PDK1: variants seen among roughly 807,000 people sequenced by gnomAD.
PDK1 encodes the protein [Pyruvate dehydrogenase (acetyl-transferring)] kinase isozyme 1, mitochondrial.
A neutral mutation model predicts 54.2 loss-of-function variants in PDK1; 39 were observed. That is an observed-to-expected ratio of 0.72 (90% CI 0.56 to 0.94). The LOEUF is 0.94. Ranked by LOEUF, PDK1 falls within the 40% of genes least tolerant of loss-of-function variation. The probability of loss-of-function intolerance (pLI) is 0.00; values close to 1 mark genes in which losing one functional copy is unlikely to be tolerated. For missense variants in PDK1, 552 were observed against 566.0 expected (o/e 0.98, Z 0.25); for synonymous variants, 221 against 207.1 (o/e 1.07, Z -0.58).
chr2:172,692,160 A>G, the PDK1 span, among the ~76,000 whole-genome samples: 2 of 152,212 alleles, frequency 1.3e-5, no homozygotes, highest in Admixed American at 6.5e-5. Flanking sequence ...TCCAGGGATA[A>G]GTACACAGAT....
chr2:172,647,651 TAATA>T, the PDK1 span, among the ~76,000 whole-genome samples: 2 of 152,148 alleles, frequency 1.3e-5, no homozygotes, highest in South Asian at 4.1e-4. Flanking sequence ...GAATTCCAAT[TAATA>T]AATGTAAAAG....
the PDK1 span, among the ~76,000 whole-genome samples, chr2:172,712,812 C>T: frequency 6.6e-6 from 1 of 152,186 alleles, no homozygotes; most frequent in Non-Finnish European, 1.5e-5. Flanking sequence ...GTTTGTGTTA[C>T]AGCTCTTTCA....
At chr2:172,583,239 C>T (rs1262251648) in intron 8 of PDK1, among the ~76,000 whole-genome samples, 1 of 147,514 alleles carries the variant, frequency 6.8e-6, no homozygotes, top group Non-Finnish European at 1.5e-5. Flanking sequence ...CTTTACAGGG[C>T]CAAGAGCAAT....
chr2:172,686,794 A>G, the PDK1 span, among the ~76,000 whole-genome samples: 1 of 152,114 alleles, frequency 6.6e-6, no homozygotes, highest in Non-Finnish European at 1.5e-5. Flanking sequence ...GAAAGAACCA[A>G]CTCCGGACAC....
At chr2:172,665,762 T>A in the PDK1 span, among the ~76,000 whole-genome samples, 58 of 152,286 alleles carry the variant, frequency 3.8e-4, no homozygotes, top group South Asian at 7.0e-3. Flanking sequence ...TGTGACCAAG[T>A]AGCACAGTTT....
At chr2:172,580,905 G>A (rs1405720382) in intron 8 of PDK1, among the ~76,000 whole-genome samples, 2 of 152,152 alleles carry the variant, frequency 1.3e-5, no homozygotes. Flanking sequence ...GTCCAGAATA[G>A]GCAAATATAT....
chr2:172,681,737 G>T, the PDK1 span, among the ~76,000 whole-genome samples: 252 of 152,218 alleles, frequency 1.7e-3, no homozygotes, highest in African/African-American at 5.8e-3. Flanking sequence ...AAGTGGGCAA[G>T]GTGGGGAATT....
the PDK1 span, among the ~76,000 whole-genome samples, chr2:172,651,182 G>A: frequency 0.73 from 109,834 of 150,672 alleles, 41,047 homozygotes; most frequent in African/African-American, 0.8. Flanking sequence ...ACTCAAAACC[G>A]CTCAACTACA....
the PDK1 span, among the ~76,000 whole-genome samples, chr2:172,619,047 T>G: frequency 6.6e-6 from 1 of 152,192 alleles, no homozygotes; most frequent in Non-Finnish European, 1.5e-5. Flanking sequence ...AATGCAGGTT[T>G]TTCTTCCTAG....
At chr2:172,672,565 T>C in the PDK1 span, among the ~76,000 whole-genome samples, 1 of 152,142 alleles carries the variant, frequency 6.6e-6, no homozygotes, top group African/African-American at 2.4e-5. Context: ...TTTTTACAAG[T>C]TGAAGATTTG....
chr2:172,579,530 T>C (rs1474458384), intron 8 of PDK1, among the ~76,000 whole-genome samples: 2 of 150,100 alleles, frequency 1.3e-5, no homozygotes, highest in Admixed American at 1.3e-4. Flanking sequence ...TCTTTCTTTT[T>C]TTTTTTTTTT....
the PDK1 span, among the ~76,000 whole-genome samples, chr2:172,659,318 G>A: frequency 5.3e-5 from 8 of 152,226 alleles, no homozygotes; most frequent in East Asian, 3.9e-4. Flanking sequence ...CTTCCTGGCT[G>A]TTTCACCCAA....
At position 172,608,465 on chromosome 2, in the gene PDK1, C is replaced by T. The variant is rs967581156; in HGVS notation, c.*12496C>T. ...GGGGATATGAAAGAACCTCCAGTTA[C>T]TATGCAAGAAATTTTAAATTTCCAT... On this transcript the variant is annotated 3_prime_UTR_variant, in exon 11 of 11. Transcript: ENST00000282077. The T allele has an allele frequency of 6.6e-6, 1 of 152,170 alleles. No individual in the cohort carries two copies. Among genetic ancestry groups the T allele is most frequent in the Non-Finnish European group, 1.5e-5 (1 of 68,034 alleles). 9.4% of individuals were successfully genotyped at this position (152,170 alleles called of 1,614,324 possible).
At chr2:172,561,183 A>G (rs1291618194) in intron 2 of PDK1, among the ~76,000 whole-genome samples, 1 of 152,234 alleles carries the variant, frequency 6.6e-6, no homozygotes, top group East Asian at 1.9e-4. Flanking sequence ...ATTCTTCATT[A>G]GAAGTAGAAT....
the PDK1 span, among the ~76,000 whole-genome samples, chr2:172,617,905 C>A: frequency 6.6e-6 from 1 of 152,092 alleles, no homozygotes. Flanking sequence ...TTAAAAAAAA[C>A]CTGTTTGCTG....
At chr2:172,593,299 G>C (rs1690708979) in intron 10 of PDK1, among the ~76,000 whole-genome samples, 1 of 152,154 alleles carries the variant, frequency 6.6e-6, no homozygotes. Flanking sequence ...AGAATCATAA[G>C]TTATATATCA....
chr2:172,567,995 A>G (rs1305409839), intron 6 of PDK1, among the ~76,000 whole-genome samples: 1 of 152,358 alleles, frequency 6.6e-6, no homozygotes, highest in Non-Finnish European at 1.5e-5. Context: ...AAATGCCTGA[A>G]ATAAAACAAT....
the PDK1 span, among the ~76,000 whole-genome samples, chr2:172,712,396 C>T: frequency 1.3e-5 from 2 of 152,184 alleles, no homozygotes; most frequent in Admixed American, 1.3e-4. Flanking sequence ...CTCTTGGCCT[C>T]GCAGGCTTCA....
chr2:172,607,794 A>G lies in PDK1; in HGVS notation c.*11825A>G, dbSNP rs1691345627. 3 of 153,004 alleles carry G rather than the reference A, an allele frequency of 2.0e-5. No individual in the cohort carries two copies. Among genetic ancestry groups the G allele is most frequent in the Admixed American group, 6.5e-5 (1 of 15,276 alleles). The allele number at this position is 153,004 out of a possible 1,614,324, so 9.5% of individuals were successfully genotyped here. A position where few individuals can be genotyped will look rare whatever the true frequency, so the allele number is the denominator to read the frequency against. On this transcript the variant is annotated 3_prime_UTR_variant, in exon 11 of 11. Transcript: ENST00000282077. Reference sequence around the variant, plus strand: ...AGGAAAAGGAGCAGGGGATAGGGGAACTTTAGGAGCAGAGTAGTGTTGATA... The same window carrying G: ...AGGAAAAGGAGCAGGGGATAGGGGAGCTTTAGGAGCAGAGTAGTGTTGATA...
Sources: allele counts gnomAD v4.1 joint callset (sites outside exome capture counted in the v4.1 genomes callset), GRCh38; gene constraint gnomAD v4.1.1; transcripts MANE v1.5; gene names NCBI Gene and HGNC (gene_info 2026-07-23, HGNC 2026-07-21).